CYRIA: variants seen among roughly 807,000 people sequenced by gnomAD.
CYRIA encodes CYFIP related Rac1 interactor A.
In CYRIA, 15 loss-of-function variants were observed where a neutral mutation model predicts 43.9. That is an observed-to-expected ratio of 0.34 (90% CI 0.23 to 0.53). The LOEUF is 0.53. Among genes scored for constraint, CYRIA ranks in the 20% least tolerant of loss-of-function variants. The probability of loss-of-function intolerance (pLI) is 0.94; values close to 1 mark genes in which losing one functional copy is unlikely to be tolerated. For synonymous variants in CYRIA, 117 were observed against 136.0 expected (o/e 0.86, Z 0.97); for missense variants, 236 against 394.2 (o/e 0.60, Z 3.40).
At chr2:16,640,981 C>T (rs2103534813) in intron 1 of CYRIA, among the ~76,000 whole-genome samples, 1 of 150,430 alleles carries the variant, frequency 6.6e-6, no homozygotes, top group East Asian at 2.0e-4. Flanking sequence ...TCAGGGAGGG[C>T]CCAGGGACCC....
chr2:16,560,298 T>G (rs1666679322), intron 9 of CYRIA, among the ~76,000 whole-genome samples: 1 of 152,190 alleles, frequency 6.6e-6, no homozygotes, highest in South Asian at 2.1e-4. Flanking sequence ...AATGCCATCT[T>G]ACATTTGAAC....
chr2:16,632,084 GACC>G (rs1182961064), intron 1 of CYRIA, among the ~76,000 whole-genome samples: 2 of 152,216 alleles, frequency 1.3e-5, no homozygotes, highest in Non-Finnish European at 2.9e-5. Flanking sequence ...GTTCCGTAGA[GACC>G]ACTTATGCCA....
intron 1 of CYRIA, among the ~76,000 whole-genome samples, chr2:16,641,150 A>C (rs190872271): frequency 2.0e-4 from 31 of 152,050 alleles, no homozygotes; most frequent in Admixed American, 2.6e-4. Context: ...CAGCCAGATG[A>C]CTCTTCCCAA....
At chr2:16,618,569 T>C (rs553135112) in intron 2 of CYRIA, among the ~76,000 whole-genome samples, 1 of 152,286 alleles carries the variant, frequency 6.6e-6, no homozygotes, top group Admixed American at 6.5e-5. Context: ...GTAAAGAGCA[T>C]GTGACAGAGC....
intron 1 of CYRIA, among the ~76,000 whole-genome samples, chr2:16,634,882 C>A (rs890648564): frequency 6.6e-6 from 1 of 152,198 alleles, no homozygotes; most frequent in African/African-American, 2.4e-5. Flanking sequence ...CCCACGCTCC[C>A]AGCAAGTTTG....
Position 16,647,080 on chromosome 2 carries a change from T to TA in CYRIA, c.-167+18699dup, listed in dbSNP as rs755658405. Among the ~76,000 whole-genome samples the TA allele has an allele frequency of 5.9e-5, 9 of 152,230 alleles. No individual in the cohort carries two copies. The East Asian group carries it at 1.3e-3, about 23-fold the overall frequency. ...CTCTTTCTATCTGTAGCCATATCCG[T>TA]ATCCGTATCTATCTCCTATTGGTTC... On this transcript the variant is annotated intron_variant, in intron 1 of 11. Coordinates refer to ENST00000381323, the MANE Select transcript of CYRIA (RefSeq NM_030797.4).
At chr2:16,574,051 G>A (rs1420351898) in intron 3 of CYRIA, among the ~76,000 whole-genome samples, 1 of 152,206 alleles carries the variant, frequency 6.6e-6, no homozygotes, top group African/African-American at 2.4e-5. Context: ...GAGACTTGCT[G>A]AATAGCTTTG....
chr2:16,590,581 A>C (rs1572486580), intron 2 of CYRIA, among the ~76,000 whole-genome samples: 1 of 152,214 alleles, frequency 6.6e-6, no homozygotes, highest in East Asian at 1.9e-4. Flanking sequence ...TTTGAAACTC[A>C]TAACAGATAG....
At chr2:16,625,059 T>C (rs1322933729) in intron 1 of CYRIA, among the ~76,000 whole-genome samples, 2 of 152,202 alleles carry the variant, frequency 1.3e-5, no homozygotes, top group African/African-American at 4.8e-5. Flanking sequence ...TTTTTTCCAA[T>C]GTTTCAGCTC....
At chr2:16,592,445 A>C (rs894570707) in intron 2 of CYRIA, among the ~76,000 whole-genome samples, 1 of 151,930 alleles carries the variant, frequency 6.6e-6, no homozygotes, top group Non-Finnish European at 1.5e-5. Context: ...CCTTTCATCC[A>C]TGTCCTCTCT....
intron 10 of CYRIA, among the ~76,000 whole-genome samples, chr2:16,555,898 C>T (rs1666490680): frequency 1.3e-5 from 2 of 152,096 alleles, no homozygotes; most frequent in South Asian, 4.1e-4. Context: ...GCCTGAGTTT[C>T]CTTCATGCTT....
chr2:16,561,380 T>C (rs1666725250), intron 7 of CYRIA, 76 bp downstream of exon 7: 1 of 1,513,276 alleles, frequency 6.6e-7, no homozygotes. Context: ...TTGTCTTCTG[T>C]CTGTGCTCTG....
At chr2:16,590,900 T>C (rs1437370310) in intron 2 of CYRIA, among the ~76,000 whole-genome samples, 2 of 152,132 alleles carry the variant, frequency 1.3e-5, no homozygotes, top group East Asian at 3.9e-4. Context: ...TAAGAATTCA[T>C]GGGAGTGTCT....
intron 1 of CYRIA, among the ~76,000 whole-genome samples, chr2:16,656,269 C>T (rs1572208147): frequency 6.6e-6 from 1 of 152,122 alleles, no homozygotes; most frequent in Admixed American, 6.5e-5. Flanking sequence ...CACAGCTATA[C>T]ACATCCACAT....
chr2:16,580,465 G>A (rs888510743), intron 3 of CYRIA, among the ~76,000 whole-genome samples: 2 of 152,074 alleles, frequency 1.3e-5, no homozygotes, highest in Non-Finnish European at 2.9e-5. Flanking sequence ...ATTAAAAACT[G>A]TAAACTATTA....
chr2:16,634,416 T>C (rs6761864), intron 1 of CYRIA, among the ~76,000 whole-genome samples: 84,531 of 152,122 alleles, frequency 0.56, 27,672 homozygotes, highest in East Asian at 0.95. Context: ...AGTAACAGCA[T>C]CTAGTCCCTG....
At chr2:16,633,402 T>G (rs1406809392) in intron 1 of CYRIA, among the ~76,000 whole-genome samples, 1 of 117,834 alleles carries the variant, frequency 8.5e-6, no homozygotes, top group African/African-American at 4.6e-5. Flanking sequence ...AGTTGTCTCA[T>G]GACTTTTATT....
At chr2:16,619,709 G>A (rs1248461058) in intron 2 of CYRIA, among the ~76,000 whole-genome samples, 2 of 152,200 alleles carry the variant, frequency 1.3e-5, no homozygotes, top group Non-Finnish European at 2.9e-5. Context: ...TCGCTGTTGG[G>A]AACAAAGTGG....
intron 1 of CYRIA, among the ~76,000 whole-genome samples, chr2:16,652,490 A>T (rs953429470): frequency 8.5e-5 from 13 of 152,184 alleles, no homozygotes; most frequent in African/African-American, 3.1e-4. Context: ...CATTTGAAGA[A>T]ATTCAAGCTC....
Sources: allele counts gnomAD v4.1 joint callset (sites outside exome capture counted in the v4.1 genomes callset), GRCh38; gene constraint gnomAD v4.1.1; transcripts MANE v1.5; gene names NCBI Gene and HGNC (gene_info 2026-07-23, HGNC 2026-07-21).